ARHGAP44: variants seen among roughly 807,000 people sequenced by gnomAD.
ARHGAP44 encodes the protein rho GTPase-activating protein 44.
ARHGAP44 carries 43 observed loss-of-function variants against 106.8 expected under a neutral mutation model. The observed-to-expected ratio is 0.40, with a 90% CI of 0.32 to 0.52. ARHGAP44 has a LOEUF of 0.52. Ranked by LOEUF, ARHGAP44 falls within the 20% of genes least tolerant of loss-of-function variation. The pLI is 0.48. For missense variants in ARHGAP44, 866 were observed against 1,050.5 expected (o/e 0.82, Z 2.43); for synonymous variants, 439 against 410.3 (o/e 1.07, Z -0.85).
At chr17:12,911,932 G>A (rs1279677357) in intron 4 of ARHGAP44, among the ~76,000 whole-genome samples, 2 of 152,218 alleles carry the variant, frequency 1.3e-5, no homozygotes, top group Admixed American at 1.3e-4. Context: ...AAAGATCTGA[G>A]GATGTTGGAG....
intron 1 of ARHGAP44, among the ~76,000 whole-genome samples, chr17:12,811,530 CT>C: frequency 6.6e-6 from 1 of 152,138 alleles, no homozygotes; most frequent in South Asian, 2.1e-4. Flanking sequence ...TTTGGTGTAA[CT>C]TTTATTGGAA....
At chr17:12,845,506 C>CAAAAAAAAAAAAAAAA (rs748288660) in intron 1 of ARHGAP44, among the ~76,000 whole-genome samples, 4 of 67,922 alleles carry the variant, frequency 5.9e-5, no homozygotes, top group African/African-American at 2.2e-4. Flanking sequence ...GACTCCGTCT[C>CAAAAAAAAAAAAAAAA]AAAAAAAAAA....
At chr17:12,843,207 C>A (rs781498076) in intron 1 of ARHGAP44, among the ~76,000 whole-genome samples, 1 of 152,092 alleles carries the variant, frequency 6.6e-6, no homozygotes, top group Non-Finnish European at 1.5e-5. Flanking sequence ...GGCCTTAAGG[C>A]GTCCTGAACT....
chr17:12,928,835 G>C, intron 6 of ARHGAP44, 94 bp from the exon 7 acceptor site: 1 of 1,099,790 alleles, frequency 9.1e-7, no homozygotes, highest in South Asian at 1.4e-5. Flanking sequence ...TAGTTCCCTG[G>C]GTGATATTTG....
chr17:12,944,166 C>T lies in ARHGAP44; in HGVS notation c.831C>T (p.Thr277=). ...CCTTCCCCATCGAGGCGTGTGTGAC[C>T]ATGCTGCTTGAGTGTGGGATGCAGG... ...EIAFPIEACV[T]MLLECGMQEE... is the part of the protein sequence containing the mutation. The change falls in exon 10 of 21, where the codon ACC becomes ACT. Residue 277 remains threonine (T), a synonymous_variant. Transcript: ENST00000379672. 1 of 1,611,850 alleles carries T rather than the reference C, an allele frequency of 6.2e-7. No homozygotes were observed. Among genetic ancestry groups the T allele is most frequent in the Non-Finnish European group, 8.5e-7 (1 of 1,179,520 alleles).
intron 20 of ARHGAP44, chr17:12,985,728 C>T (rs1454093390): frequency 6.6e-6 from 1 of 152,206 alleles, no homozygotes. Flanking sequence ...GAGCATTTTC[C>T]TTGTTCAGGG....
At position 12,865,959 on chromosome 17, in the gene ARHGAP44, A is replaced by AT. The variant is rs1413566058; in HGVS notation, c.54-28981_54-28980insT. 3.3e-5 allele frequency among the ~76,000 whole-genome samples: 5 copies of AT among 152,182 alleles called. No individual in the cohort carries two copies. In the East Asian group the frequency reaches 9.6e-4, roughly 29 times the overall value. ...TTACAAAGTAATGACTGTTGCAGCA[A>AT]AGTCATTACTTAATGACAAAGACAA... On this transcript the variant is annotated intron_variant, in intron 1 of 20. Coordinates refer to ENST00000379672, the MANE Select transcript of ARHGAP44 (RefSeq NM_014859.6).
At chr17:12,839,262 C>A (rs1006728976) in intron 1 of ARHGAP44, among the ~76,000 whole-genome samples, 1 of 152,184 alleles carries the variant, frequency 6.6e-6, no homozygotes, top group African/African-American at 2.4e-5. Flanking sequence ...CCTATCTTAA[C>A]ATCAAGGACT....
At chr17:12,863,148 T>TAAG (rs146429785) in intron 1 of ARHGAP44, among the ~76,000 whole-genome samples, 5,679 of 151,774 alleles carry the variant, frequency 0.037, 343 homozygotes, top group African/African-American at 0.13. Context: ...TAAATAAAAT[T>TAAG]AAAATAATTT....
At chr17:12,881,916 GTCTTGGCC>G (rs1376838872) in intron 1 of ARHGAP44, among the ~76,000 whole-genome samples, 1 of 152,110 alleles carries the variant, frequency 6.6e-6, no homozygotes, top group Non-Finnish European at 1.5e-5. Context: ...GTCAAGACCA[GTCTTGGCC>G]TCTTGGCCTT....
Position 12,848,822 on chromosome 17 carries a change from G to A in ARHGAP44, c.54-46118G>A, listed in dbSNP as rs181453726. Among the ~76,000 whole-genome samples, 810 of 152,226 alleles carry A rather than the reference G, an allele frequency of 5.3e-3. 8 individuals are homozygous for A. Among genetic ancestry groups the A allele is most frequent in the African/African-American group, 0.019 (772 of 41,532 alleles). ...AGCACTTTGGGAGGCCAAGGTGGGC[G>A]GATCACCAGAAGTCAGGAGTTCGAG... On this transcript the variant is annotated intron_variant, in intron 1 of 20. Coordinates refer to ENST00000379672, the MANE Select transcript of ARHGAP44 (RefSeq NM_014859.6).
chr17:12,983,940 G>A (rs191786879), intron 19 of ARHGAP44, among the ~76,000 whole-genome samples: 1 of 152,338 alleles, frequency 6.6e-6, no homozygotes, highest in East Asian at 1.9e-4. Context: ...AGGGATGCAG[G>A]ATTGAGGCAC....
Position 12,956,635 on chromosome 17 carries a change from C to T in ARHGAP44, c.1251-20C>T. 7 of 1,610,054 alleles carry T rather than the reference C, an allele frequency of 4.3e-6. No homozygotes were observed. The highest frequency in any genetic ancestry group is 5.9e-6 in the Non-Finnish European group (7 of 1,176,518). ...TCAGCTGCTAACTCCACCCTGTTTG[C>T]CTCTGCTCTCTGCTTACAGGAACAT... is the stretch of plus-strand genomic sequence containing the variant. On this transcript the variant is annotated intron_variant, in intron 14 of 20. Transcript: ENST00000379672.
At chr17:12,833,449 C>T (rs12600697) in intron 1 of ARHGAP44, among the ~76,000 whole-genome samples, 16,402 of 152,096 alleles carry the variant, frequency 0.11, 1,189 homozygotes, top group Non-Finnish European at 0.15. Context: ...TTTTTCCTTT[C>T]GTACTTTATA....
chr17:12,883,640 C>G (rs987863328), intron 1 of ARHGAP44, among the ~76,000 whole-genome samples: 2 of 151,978 alleles, frequency 1.3e-5, no homozygotes, highest in African/African-American at 4.8e-5. Context: ...TACAAGATCC[C>G]AGATTTGTTT....
intron 1 of ARHGAP44, among the ~76,000 whole-genome samples, chr17:12,840,640 A>T (rs558400087): frequency 1.0e-4 from 15 of 149,210 alleles, no homozygotes; most frequent in African/African-American, 3.3e-4. Flanking sequence ...GGAGGTAGAG[A>T]AGAGGTGCAG....
intron 1 of ARHGAP44, among the ~76,000 whole-genome samples, chr17:12,806,504 C>G (rs1469162067): frequency 1.3e-5 from 2 of 152,106 alleles, no homozygotes; most frequent in Non-Finnish European, 2.9e-5. Flanking sequence ...CAAGTGAAAA[C>G]CTGGGTGAAT....
intron 18 of ARHGAP44, among the ~76,000 whole-genome samples, chr17:12,975,292 T>G (rs1302878211): frequency 1.3e-5 from 2 of 152,156 alleles, no homozygotes; most frequent in African/African-American, 2.4e-5. Context: ...TCTCCTTCTC[T>G]TTATAGTCAT....
At chr17:12,884,134 ATTGT>A (rs1425733430) in intron 1 of ARHGAP44, among the ~76,000 whole-genome samples, 3 of 151,662 alleles carry the variant, frequency 2.0e-5, no homozygotes, top group East Asian at 3.9e-4. Flanking sequence ...GATCTCCCTG[ATTGT>A]TTGTGTTTTA....
Sources: allele counts gnomAD v4.1 joint callset (sites outside exome capture counted in the v4.1 genomes callset), GRCh38; gene constraint gnomAD v4.1.1; transcripts MANE v1.5; gene names NCBI Gene and HGNC (gene_info 2026-07-23, HGNC 2026-07-21).